Variants in AGT observed in about 807,000 individuals in gnomAD.
The protein encoded by AGT is angiotensinogen.
Under a neutral mutation model 28.1 loss-of-function variants are expected in AGT, and 26 were observed. The ratio of observed to expected loss-of-function variants is 0.92; its 90% CI spans 0.68 to 1.28. AGT has a LOEUF of 1.28. AGT is among the 50% of genes most tolerant of loss of function. AGT has a pLI of 0.00. For missense variants in AGT, 596 were observed against 592.3 expected (o/e 1.01, Z -0.06); for synonymous variants, 259 against 259.6 (o/e 1.00, Z 0.02).
At position 230,723,709 on chromosome 1, in the gene AGT, T is replaced by C. The variant is rs554391382; in HGVS notation, c.-30-12856A>G. On this transcript the variant is annotated intron_variant, in intron 1 of 4. Coordinates refer to the AGT transcript ENST00000681269. ...AGTCCTATGATGTGAGTCCGAGTGA[T>C]TGTTCTGCTTCTATTTTCAGTAAGA... Among the ~76,000 whole-genome samples, 25 of 152,312 alleles carry C rather than the reference T, an allele frequency of 1.6e-4. No homozygotes were observed. The South Asian group carries it at 3.7e-3, about 23-fold the overall frequency.
chr1:230,709,866 C>G (rs1392754238), intron 2 of AGT, 129 bp downstream of exon 2: 1 of 1,403,512 alleles, frequency 7.1e-7, no homozygotes, highest in African/African-American at 1.4e-5. Flanking sequence ...TTCCCCACTT[C>G]TCAAGGGTGG....
intron 4 of AGT, 26 bp downstream of exon 4, chr1:230,704,167 A>G (rs1663312969): frequency 6.2e-7 from 1 of 1,614,214 alleles, no homozygotes. Flanking sequence ...AACCCAGGTC[A>G]GGCACAGACA....
In AGT at chr1:230,706,124, G is replaced by A. The variant is rs776504572; in HGVS notation, c.906C>T (p.Pro302=). ...GGAAGGTGCCCATGCCAGAGAGCAT[G>A]GGAACAGACACTGAGGTGCTGTTGT... ...WVDNSTSVSV[P]MLSGMGTFQH... is the part of the protein sequence containing the mutation. Residue 302 remains proline (P), a synonymous_variant, in exon 3 of 5, where the codon CCC becomes CCT. Coordinates refer to ENST00000366667, the MANE Select transcript of AGT (RefSeq NM_001384479.1). The A allele has an allele frequency of 2.5e-6, 4 of 1,613,970 alleles. No individual in the cohort carries two copies. Among genetic ancestry groups the A allele is most frequent in the Admixed American group, 1.7e-5 (1 of 59,996 alleles).
Position 230,706,309 on chromosome 1 carries a change from C to T in AGT, c.830-109G>A, listed in dbSNP as rs1046798791. Reference sequence around the variant, plus strand: ...ATCCTGCCCCTCGCCCTGCCTCAGCCTCCTTCCTTGGCCCCCCCCAGGCCA... The same window carrying T: ...ATCCTGCCCCTCGCCCTGCCTCAGCTTCCTTCCTTGGCCCCCCCCAGGCCA... On this transcript the variant is annotated intron_variant, in intron 2 of 4. Coordinates refer to ENST00000366667, the MANE Select transcript of AGT (RefSeq NM_001384479.1). 15 of 1,316,612 alleles carry T rather than the reference C, an allele frequency of 1.1e-5. 1 individual carries two copies. The African/African-American group carries it at 2.1e-4, about 18-fold the overall frequency. 81.6% of individuals were successfully genotyped at this position (1,316,612 alleles called of 1,614,324 possible).
chr1:230,725,490 G>A (rs1663924350), intron 1 of AGT, among the ~76,000 whole-genome samples: 1 of 152,002 alleles, frequency 6.6e-6, no homozygotes, highest in Non-Finnish European at 1.5e-5. Context: ...TGGCACTCAG[G>A]GTTGGGAAAA....
In AGT at chr1:230,710,612, T is replaced by A; in HGVS notation, c.212A>T (p.Asp71Val). 6.2e-7 allele frequency: 1 copy of A among 1,614,248 alleles called. No homozygotes were observed. Among genetic ancestry groups the A allele is most frequent in the Non-Finnish European group, 8.5e-7 (1 of 1,180,042 alleles). Residue 71 changes from aspartate (D) to valine (V), a missense_variant, in exon 2 of 5, where the codon GAT becomes GTT. Transcript: ENST00000366667. ...CAGCTGGTCCTGTAGGGCCTTTTCA[T>A]CCACAGGGGATGTCTTGGCCTGAAT... ...APIQAKTSPV[D>V]EKALQDQLVL...
At chr1:230,705,201 G>A (rs572990764) in intron 3 of AGT, among the ~76,000 whole-genome samples, 1 of 152,018 alleles carries the variant, frequency 6.6e-6, no homozygotes, top group African/African-American at 2.4e-5. Flanking sequence ...AGTGTGAATG[G>A]GCCTAGTACC....
In AGT at chr1:230,705,932, C is replaced by G; in HGVS notation, c.1097+1G>C. 1 of 1,614,070 alleles carries G rather than the reference C, an allele frequency of 6.2e-7. No homozygotes were observed. Among genetic ancestry groups the G allele is most frequent in the South Asian group, 1.1e-5 (1 of 91,048 alleles). On this transcript the variant is annotated splice_donor_variant, in intron 3 of 4. Transcript: ENST00000366667. LOFTEE classifies it high-confidence loss of function. ...TCCAGGGGAGACCGGGAGGCTCCTA[C>G]CGGGGAGATAGTTTCTTCATCCAGT...
At chr1:230,742,740 T>C (rs1664269107) in intron 1 of AGT, among the ~76,000 whole-genome samples, 3 of 152,230 alleles carry the variant, frequency 2.0e-5, no homozygotes, top group Admixed American at 1.3e-4. Context: ...CATAATTTTC[T>C]TTACCATTCC....
chr1:230,709,997 T>G lies in AGT; in HGVS notation c.827A>C (p.Gln276Pro). 1 of 1,614,152 alleles carries G rather than the reference T, an allele frequency of 6.2e-7. No homozygotes were observed. The highest frequency in any genetic ancestry group is 8.5e-7 in the Non-Finnish European group (1 of 1,180,018). Residue 276 changes from glutamine to proline, a missense_variant and splice_region_variant, in exon 2 of 5, where the codon CAA becomes CCA. Transcript: ENST00000366667. The stretch of plus-strand genomic sequence containing the variant: ...GCCAGCAGAGAGGTTTGCCTTACCT[T>G]GGAAGTGGACGTAGGTGTTGAAAGC... ...TLAFNTYVHF[Q>P]GKMKGFSLLA...
At chr1:230,725,322 G>A (rs971712028) in intron 1 of AGT, among the ~76,000 whole-genome samples, 5 of 152,264 alleles carry the variant, frequency 3.3e-5, no homozygotes, top group Non-Finnish European at 7.4e-5. Context: ...GGATGGCCCC[G>A]GGCAGGCCTA....
At chr1:230,734,803 G>A (rs925730459) in intron 1 of AGT, among the ~76,000 whole-genome samples, 12 of 151,874 alleles carry the variant, frequency 7.9e-5, no homozygotes, top group Admixed American at 5.2e-4. Flanking sequence ...TCCACCTCCC[G>A]GGTTCATGCC....
upstream of AGT, among the ~76,000 whole-genome samples, chr1:230,714,630 A>T (rs1663692997): frequency 6.6e-6 from 1 of 152,168 alleles, no homozygotes; most frequent in Non-Finnish European, 1.5e-5. Flanking sequence ...ACCCTGTGCA[A>T]AGGCCTCTAA....
In AGT at chr1:230,710,315, T is replaced by C. The variant is rs770085172; in HGVS notation, c.509A>G (p.Lys170Arg). The change falls in exon 2 of 5, where the codon AAG becomes AGG. Residue 170 changes from lysine to arginine, a missense_variant. Physicochemically the swap from Lys to Arg is conservative, Grantham distance 26 (BLOSUM62 2). Coordinates refer to ENST00000366667, the MANE Select transcript of AGT (RefSeq NM_001384479.1). ...TACAGCCTGCAGGGCAGACAGGACCTTGTGCGCATCCAGCCGGGAGGTGCA... is the reference window on the plus strand; with the variant it reads ...TACAGCCTGCAGGGCAGACAGGACCCTGTGCGCATCCAGCCGGGAGGTGCA... The part of the protein sequence containing the change: ...KNCTSRLDAH[K>R]VLSALQAVQG... 3 of 1,613,932 alleles carry C rather than the reference T, an allele frequency of 1.9e-6. No homozygotes were observed. The highest frequency in any genetic ancestry group is 4.5e-5 in the East Asian group (2 of 44,896).
At chr1:230,711,281 C>G (rs1663584305) in intron 1 of AGT, among the ~76,000 whole-genome samples, 1 of 152,048 alleles carries the variant, frequency 6.6e-6, no homozygotes, top group Admixed American at 6.5e-5. Flanking sequence ...TGTGGGGACA[C>G]AGAGGGAAGA....
intron 1 of AGT, among the ~76,000 whole-genome samples, chr1:230,731,009 A>G (rs1393993768): frequency 6.6e-6 from 1 of 152,220 alleles, no homozygotes; most frequent in Non-Finnish European, 1.5e-5. Context: ...CTATAGCTTA[A>G]TAATGTATAG....
Position 230,703,234 on chromosome 1 carries a change from G to A in AGT, c.1338C>T (p.Thr446=). 4 of 1,614,172 alleles carry A rather than the reference G, an allele frequency of 2.5e-6. No individual in the cohort carries two copies. The South Asian group carries it at 4.4e-5, about 18-fold the overall frequency. The change falls in exon 5 of 5, where the codon ACC becomes ACT. Residue 446 remains threonine (T), a synonymous_variant. Coordinates refer to ENST00000366667, the MANE Select transcript of AGT (RefSeq NM_001384479.1). ...QLNKPEVLEV[T]LNRPFLFAVY... is the part of the protein sequence containing the mutation. ...CAGCAAACAGGAATGGGCGGTTCAG[G>A]GTCACCTCCAAGACCTCAGGCTTGT...
In AGT at chr1:230,710,872, A is replaced by G. The variant is rs751172716; in HGVS notation, c.-30-19T>C. 1.9e-6 allele frequency: 3 copies of G among 1,608,424 alleles called. No homozygotes were observed. In the Admixed American group the frequency reaches 5.0e-5, roughly 27 times the overall value. ...GCATACCCTGAAATATCATTTTGCA[A>G]AGGGTGAAAGGTGGTTATTAACTGA... On this transcript the variant is annotated intron_variant, in intron 1 of 4. Coordinates refer to ENST00000366667, the MANE Select transcript of AGT (RefSeq NM_001384479.1).
intron 1 of AGT, among the ~76,000 whole-genome samples, chr1:230,713,001 C>T (rs889055152): frequency 1.3e-5 from 2 of 152,208 alleles, no homozygotes; most frequent in African/African-American, 4.8e-5. Context: ...GCACTGTTCT[C>T]ATATCAACCC....
Sources: gnomAD v4.1 joint callset for allele counts (sites outside exome capture counted in the v4.1 genomes callset) on GRCh38, gnomAD v4.1.1 for gene constraint, MANE v1.5 for transcripts, NCBI Gene and HGNC (gene_info 2026-07-23, HGNC 2026-07-21) for gene names.